Variants in VAV3 observed in about 807,000 individuals in gnomAD.
VAV3 encodes the protein vav guanine nucleotide exchange factor 3, also known as guanine nucleotide exchange factor VAV3.
A neutral mutation model predicts 131.2 loss-of-function variants in VAV3; 94 were observed. The ratio of observed to expected loss-of-function variants is 0.72; its 90% confidence interval spans 0.61 to 0.85. VAV3 has a LOEUF of 0.85. VAV3 is among the 40% of genes least tolerant of loss of function. The pLI is 0.00. For synonymous variants in VAV3, 349 were observed against 342.0 expected, an observed-to-expected ratio of 1.02 and a Z score of -0.22; for missense variants, 939 against 1,002.7, an observed-to-expected ratio of 0.94 and a Z score of 0.86.
chr1:107,831,253 C>A (rs1406623338), intron 2 of VAV3, among the ~76,000 whole-genome samples: 2 of 151,860 alleles, frequency 1.3e-5, no homozygotes, highest in Non-Finnish European at 2.9e-5. Flanking sequence ...GTGGAAAATA[C>A]TTTAAAATAA....
chr1:107,853,603 G>T (rs1669329690), intron 2 of VAV3, among the ~76,000 whole-genome samples: 1 of 151,522 alleles, frequency 6.6e-6, no homozygotes. Context: ...CATTTATAGT[G>T]CTGCAAGTTC....
chr1:107,613,491 T>G (rs1570613661), intron 21 of VAV3, among the ~76,000 whole-genome samples: 2 of 152,128 alleles, frequency 1.3e-5, no homozygotes, highest in African/African-American at 2.4e-5. Context: ...AATATGTCCA[T>G]TAAGGCTTTT....
intron 2 of VAV3, among the ~76,000 whole-genome samples, chr1:107,790,857 T>A (rs1165253780): frequency 6.6e-6 from 1 of 151,812 alleles, no homozygotes; most frequent in African/African-American, 2.4e-5. Context: ...CCAGCTAATT[T>A]TTGTATTTTT....
chr1:107,954,647 T>C (rs762292276), intron 1 of VAV3, among the ~76,000 whole-genome samples: 1 of 151,872 alleles, frequency 6.6e-6, no homozygotes, highest in African/African-American at 2.4e-5. Flanking sequence ...GCTATTCTCC[T>C]GTCCTGAGGC....
chr1:107,730,147 C>A (rs1570845364), intron 15 of VAV3, among the ~76,000 whole-genome samples: 2 of 152,252 alleles, frequency 1.3e-5, no homozygotes, highest in Middle Eastern at 3.4e-3. Context: ...TTTAGATAAC[C>A]ACTTCAAATT....
chr1:107,849,334 C>T lies in VAV3; in HGVS notation c.321+25567G>A, dbSNP rs138444804. ...CACTACCTGACTTCAAACTATACTA[C>T]AAGGCTACAGTAACCAAAACAGCAT... On this transcript the variant is annotated intron_variant, in intron 2 of 26. Transcript: ENST00000370056. 1.2e-3 allele frequency among the ~76,000 whole-genome samples: 185 copies of T among 151,034 alleles called. 2 individuals are homozygous for T. In the East Asian group the frequency reaches 0.032, roughly 26 times the overall value.
intron 2 of VAV3, among the ~76,000 whole-genome samples, chr1:107,870,781 T>C (rs1249883960): frequency 3.3e-5 from 5 of 152,232 alleles, no homozygotes; most frequent in East Asian, 1.9e-4. Flanking sequence ...AACTATCCTA[T>C]TGCAATTCAA....
intron 15 of VAV3, among the ~76,000 whole-genome samples, chr1:107,731,304 A>G (rs1232735366): frequency 2.0e-5 from 3 of 152,218 alleles, no homozygotes; most frequent in African/African-American, 7.2e-5. Context: ...TACCCTGCCT[A>G]TAATTCTGAG....
chr1:107,741,280 A>G (rs762486775), intron 15 of VAV3, among the ~76,000 whole-genome samples: 1 of 152,268 alleles, frequency 6.6e-6, no homozygotes, highest in African/African-American at 2.4e-5. Flanking sequence ...ATTTCTTTTG[A>G]AACACTCACT....
chr1:107,931,927 A>G (rs1673456051), intron 1 of VAV3, among the ~76,000 whole-genome samples: 1 of 152,244 alleles, frequency 6.6e-6, no homozygotes. Flanking sequence ...CTAATCTGAG[A>G]ACAGTTCTAT....
At chr1:107,794,469 T>G (rs1666443397) in intron 2 of VAV3, among the ~76,000 whole-genome samples, 2 of 152,216 alleles carry the variant, frequency 1.3e-5, no homozygotes, top group Admixed American at 1.3e-4. Flanking sequence ...AAAATTCTCT[T>G]GATTTTGATT....
intron 21 of VAV3, among the ~76,000 whole-genome samples, chr1:107,614,179 T>C (rs1440194179): frequency 6.6e-6 from 1 of 152,062 alleles, no homozygotes; most frequent in Non-Finnish European, 1.5e-5. Flanking sequence ...TGTGCTGCAG[T>C]TCCAGGCTTT....
chr1:107,709,729 AGG>A (rs1660663168), intron 15 of VAV3, among the ~76,000 whole-genome samples: 1 of 152,148 alleles, frequency 6.6e-6, no homozygotes, highest in South Asian at 2.1e-4. Flanking sequence ...TGGTTTTATA[AGG>A]GGCTGCCCCC....
intron 1 of VAV3, among the ~76,000 whole-genome samples, chr1:107,951,859 T>A (rs577391757): frequency 6.6e-6 from 1 of 152,022 alleles, no homozygotes; most frequent in South Asian, 2.1e-4. Context: ...GAAACACTTA[T>A]ACACTGTTGG....
Position 107,617,566 on chromosome 1 carries a change from C to T in VAV3, c.1980+1G>A. The T allele has an allele frequency of 2.5e-6, 4 of 1,609,650 alleles. No individual in the cohort carries two copies. The highest frequency in any genetic ancestry group is 2.2e-5 in the East Asian group (1 of 44,788). On this transcript the variant is annotated splice_donor_variant, in intron 21 of 26. Coordinates refer to ENST00000370056, the MANE Select transcript of VAV3 (RefSeq NM_006113.5). LOFTEE classifies it high-confidence loss of function. ...GAGAAAATTAAGATACTAATACTTA[C>T]ACATGGGCAAGGCTTGACTGCATCA...
At chr1:107,888,701 C>T (rs1447088461) in intron 1 of VAV3, among the ~76,000 whole-genome samples, 1 of 152,062 alleles carries the variant, frequency 6.6e-6, no homozygotes, top group African/African-American at 2.4e-5. Flanking sequence ...TCAAGTGATC[C>T]CCCCGCCTCG....
intron 1 of VAV3, among the ~76,000 whole-genome samples, chr1:107,932,595 T>C (rs1261694949): frequency 6.6e-6 from 1 of 152,214 alleles, no homozygotes; most frequent in African/African-American, 2.4e-5. Flanking sequence ...AATAATACTT[T>C]ATTATGGTAA....
intron 25 of VAV3, among the ~76,000 whole-genome samples, chr1:107,590,841 C>T (rs1650892847): frequency 6.6e-6 from 1 of 152,138 alleles, no homozygotes; most frequent in African/African-American, 2.4e-5. Flanking sequence ...CATGCTTATC[C>T]CTCTCACGGA....
chr1:107,695,545 C>A (rs1033788614), intron 17 of VAV3, among the ~76,000 whole-genome samples: 1 of 151,976 alleles, frequency 6.6e-6, no homozygotes, highest in African/African-American at 2.4e-5. Context: ...GGGAAGTTTG[C>A]GGTAATGACT....
Sources: gnomAD v4.1 joint callset for allele counts (sites outside exome capture counted in the v4.1 genomes callset) on GRCh38, gnomAD v4.1.1 for gene constraint, MANE v1.5 for transcripts, NCBI Gene and HGNC (gene_info 2026-07-23, HGNC 2026-07-21) for gene names.